FAAH2: variants seen among roughly 807,000 people sequenced by gnomAD.
FAAH2 encodes the protein fatty acid amide hydrolase 2.
In FAAH2, 60 loss-of-function variants were observed where a neutral mutation model predicts 36.9. That is an observed-to-expected ratio of 1.63 (90% CI 1.32 to 2.02). The LOEUF (loss-of-function observed/expected upper bound fraction) is 2.02. Among genes scored for constraint, FAAH2 ranks in the 30% most tolerant of loss-of-function variants. The pLI is 0.00. For synonymous variants in FAAH2, 214 were observed against 143.8 expected, an observed-to-expected ratio of 1.49 and a Z score of -3.49; for missense variants, 689 against 397.5, an observed-to-expected ratio of 1.73 and a Z score of -6.23.
At chrX:57,269,762 C>T in the FAAH2 span, among the ~76,000 whole-genome samples, 1 of 111,142 alleles carries the variant, frequency 9.0e-6, no homozygotes, top group Admixed American at 9.6e-5. Context: ...TAAATGCCCA[C>T]AGAAAAAAGT....
At chrX:57,258,829 C>T in the FAAH2 span, among the ~76,000 whole-genome samples, 3 of 107,601 alleles carry the variant, frequency 2.8e-5, no homozygotes, top group African/African-American at 1.0e-4. Context: ...CTGCCTCAGC[C>T]TCCGAAGTAG....
the FAAH2 span, among the ~76,000 whole-genome samples, chrX:57,194,163 C>A: frequency 1.8e-5 from 2 of 111,318 alleles, no homozygotes; most frequent in African/African-American, 6.5e-5. Context: ...CTGGGCTTAT[C>A]ATTACTAGGG....
chrX:57,430,517 G>A (rs1033038287), intron 7 of FAAH2, among the ~76,000 whole-genome samples: 1 of 111,605 alleles, frequency 9.0e-6, no homozygotes, highest in Non-Finnish European at 1.9e-5. Context: ...TCTGTTTTAT[G>A]TTACAAGCTA....
upstream of FAAH2, among the ~76,000 whole-genome samples, chrX:57,282,224 A>G (rs1343372494): frequency 8.9e-6 from 1 of 111,973 alleles, no homozygotes; most frequent in Non-Finnish European, 1.9e-5. Context: ...CAACCTCACC[A>G]GCATGTGTTA....
chrX:57,481,736 G>C (rs940939674), intron 10 of FAAH2, among the ~76,000 whole-genome samples: 1 of 112,265 alleles, frequency 8.9e-6, no homozygotes, highest in Non-Finnish European at 1.9e-5. Flanking sequence ...AGCTGAGGTG[G>C]CATTCGGTCC....
chrX:57,304,543 T>C (rs184333151), intron 2 of FAAH2, among the ~76,000 whole-genome samples: 474 of 111,955 alleles, frequency 4.2e-3, no homozygotes, highest in Middle Eastern at 0.019. Context: ...ATACCACTGG[T>C]AAACCAATTT....
intron 7 of FAAH2, among the ~76,000 whole-genome samples, chrX:57,430,071 C>T (rs1421438189): frequency 8.1e-5 from 9 of 111,542 alleles, no homozygotes; most frequent in African/African-American, 2.3e-4. Flanking sequence ...TGAACAATTA[C>T]TTAGCGGATA....
chrX:57,406,587 G>A (rs952053289), intron 7 of FAAH2, among the ~76,000 whole-genome samples: 12 of 112,347 alleles, frequency 1.1e-4, no homozygotes, highest in African/African-American at 2.6e-4. Context: ...CCTGACACAG[G>A]GATCATAACC....
At chrX:57,385,592 G>C (rs1440046029) in intron 7 of FAAH2, among the ~76,000 whole-genome samples, 3 of 111,309 alleles carry the variant, frequency 2.7e-5, no homozygotes, top group Non-Finnish European at 5.7e-5. Flanking sequence ...GCATTAACTA[G>C]GGCAGCCCTC....
chrX:57,445,482 T>G (rs1305572967), intron 8 of FAAH2, among the ~76,000 whole-genome samples: 1 of 111,400 alleles, frequency 9.0e-6, no homozygotes, highest in African/African-American at 3.3e-5. Context: ...CCAAGGCTCA[T>G]GGCAACTACT....
intron 2 of FAAH2, among the ~76,000 whole-genome samples, chrX:57,301,450 C>T (rs1267414926): frequency 1.3e-4 from 7 of 53,265 alleles, no homozygotes; most frequent in Admixed American, 6.2e-4. Context: ...CATCAGACAC[C>T]GGGGACTGTT....
chrX:57,158,602 T>C, the FAAH2 span, among the ~76,000 whole-genome samples: 192 of 112,580 alleles, frequency 1.7e-3, 2 homozygotes, highest in African/African-American at 6.0e-3. Flanking sequence ...TGGCCAGTCA[T>C]GATGAGCACT....
At chrX:57,177,467 A>AT in the FAAH2 span, among the ~76,000 whole-genome samples, 2 of 102,658 alleles carry the variant, frequency 1.9e-5, no homozygotes, top group Non-Finnish European at 3.9e-5. Context: ...TAATAATAAT[A>AT]ATATATATAT....
At chrX:57,311,055 G>A (rs967915070) in intron 3 of FAAH2, among the ~76,000 whole-genome samples, 1 of 112,067 alleles carries the variant, frequency 8.9e-6, no homozygotes, top group Non-Finnish European at 1.9e-5. Flanking sequence ...CTAAAGCCAA[G>A]CTTGAATTCT....
At chrX:57,352,399 C>T (rs955534231) in intron 5 of FAAH2, among the ~76,000 whole-genome samples, 3 of 107,500 alleles carry the variant, frequency 2.8e-5, no homozygotes, top group Non-Finnish European at 5.8e-5. Flanking sequence ...AAAAAGCATT[C>T]GATAAAACTT....
the FAAH2 span, among the ~76,000 whole-genome samples, chrX:57,197,407 G>C: frequency 9.0e-6 from 1 of 111,367 alleles, no homozygotes. Flanking sequence ...ATTCATTGCT[G>C]ATGAGCTAGT....
At chrX:57,443,031 C>T (rs963713435) in intron 8 of FAAH2, among the ~76,000 whole-genome samples, 17 of 111,901 alleles carry the variant, frequency 1.5e-4, no homozygotes, top group Non-Finnish European at 1.7e-4. Flanking sequence ...TTCTCTCTGT[C>T]TGCCCTTGAC....
chrX:57,193,190 G>A, the FAAH2 span, among the ~76,000 whole-genome samples: 1 of 111,590 alleles, frequency 9.0e-6, no homozygotes, highest in African/African-American at 3.3e-5. Context: ...TGCCCCTGAG[G>A]GTAGGCCTCT....
chrX:57,189,786 G>A, the FAAH2 span, among the ~76,000 whole-genome samples: 56 of 111,691 alleles, frequency 5.0e-4, no homozygotes, highest in African/African-American at 5.8e-4. Context: ...GCACCAGCCC[G>A]ATGCCAGCCA....
Sources: gnomAD v4.1 joint callset for allele counts (sites outside exome capture counted in the v4.1 genomes callset) on GRCh38, gnomAD v4.1.1 for gene constraint, MANE v1.5 for transcripts, NCBI Gene and HGNC (gene_info 2026-07-23, HGNC 2026-07-21) for gene names.